Variants in CNTNAP5 observed in about 807,000 individuals in gnomAD.
CNTNAP5 encodes contactin-associated protein-like 5.
CNTNAP5 carries 72 observed loss-of-function variants against 150.2 expected under a neutral mutation model. The observed-to-expected ratio is 0.48, with a 90% CI of 0.40 to 0.58. CNTNAP5 has a LOEUF of 0.58. Among genes scored for constraint, CNTNAP5 ranks in the 20% least tolerant of loss-of-function variants. The pLI is 0.00. For missense variants in CNTNAP5, 1,636 were observed against 1,626.2 expected, an observed-to-expected ratio of 1.01 and a Z score of -0.10; for synonymous variants, 672 against 619.8, an observed-to-expected ratio of 1.08 and a Z score of -1.25.
intron 1 of CNTNAP5, among the ~76,000 whole-genome samples, chr2:124,119,656 C>T (rs959997513): frequency 5.9e-5 from 9 of 152,046 alleles, no homozygotes; most frequent in Non-Finnish European, 2.9e-5. Context: ...GCCTGAGATC[C>T]CACCACTTTG....
intron 13 of CNTNAP5, among the ~76,000 whole-genome samples, chr2:124,654,426 G>C (rs1331401595): frequency 2.0e-5 from 3 of 152,130 alleles, no homozygotes; most frequent in Non-Finnish European, 2.9e-5. Context: ...CTGGAAAAAG[G>C]TATGAGCTCC....
intron 3 of CNTNAP5, among the ~76,000 whole-genome samples, chr2:124,362,336 G>T (rs151230888): frequency 6.6e-6 from 1 of 152,064 alleles, no homozygotes; most frequent in Admixed American, 6.5e-5. Context: ...GCTCCTCCCA[G>T]AATCTCAACA....
At chr2:124,666,836 G>A (rs1373512323) in intron 13 of CNTNAP5, among the ~76,000 whole-genome samples, 3 of 152,236 alleles carry the variant, frequency 2.0e-5, no homozygotes, top group Middle Eastern at 3.4e-3. Context: ...AGCAGCTTGC[G>A]TTTCTTTCCC....
chr2:124,732,669 G>A (rs529836558), intron 13 of CNTNAP5, among the ~76,000 whole-genome samples: 21 of 152,036 alleles, frequency 1.4e-4, no homozygotes, highest in South Asian at 6.2e-4. Context: ...TGTTATAGCC[G>A]GCCAAATAGA....
intron 21 of CNTNAP5, among the ~76,000 whole-genome samples, chr2:124,897,085 G>A (rs1678321741): frequency 6.6e-6 from 1 of 151,456 alleles, no homozygotes; most frequent in Non-Finnish European, 1.5e-5. Flanking sequence ...TTCTCAAAAT[G>A]TGTTCCACGA....
At chr2:124,531,016 T>A (rs1695093152) in intron 10 of CNTNAP5, among the ~76,000 whole-genome samples, 3 of 152,260 alleles carry the variant, frequency 2.0e-5, no homozygotes, top group Admixed American at 2.0e-4. Flanking sequence ...ACTTGATTTC[T>A]ATTATTATTA....
chr2:124,132,214 C>A (rs182363505), intron 1 of CNTNAP5, among the ~76,000 whole-genome samples: 1 of 152,270 alleles, frequency 6.6e-6, no homozygotes, highest in Admixed American at 6.5e-5. Context: ...CAGAACCTAT[C>A]GCTTCTCCTT....
At chr2:124,901,115 C>T (rs1573698972) in intron 21 of CNTNAP5, among the ~76,000 whole-genome samples, 1 of 151,624 alleles carries the variant, frequency 6.6e-6, no homozygotes, top group Non-Finnish European at 1.5e-5. Flanking sequence ...ATCTCAGAGT[C>T]CTTTTATATT....
At chr2:124,832,390 A>G (rs886351296) in intron 19 of CNTNAP5, among the ~76,000 whole-genome samples, 3 of 152,152 alleles carry the variant, frequency 2.0e-5, no homozygotes, top group African/African-American at 7.2e-5. Context: ...ATACACACAT[A>G]GAAATAAAAA....
At chr2:124,326,492 T>C (rs1398133322) in intron 3 of CNTNAP5, among the ~76,000 whole-genome samples, 3 of 152,102 alleles carry the variant, frequency 2.0e-5, no homozygotes, top group Non-Finnish European at 2.9e-5. Context: ...CAAAATAATA[T>C]TTTATTAGAA....
At chr2:124,359,225 A>C (rs1249389873) in intron 3 of CNTNAP5, among the ~76,000 whole-genome samples, 1 of 151,470 alleles carries the variant, frequency 6.6e-6, no homozygotes, top group African/African-American at 2.4e-5. Context: ...CTAGCGGTCT[A>C]TCAATTTTGT....
chr2:124,687,657 G>A (rs536623256), intron 13 of CNTNAP5, among the ~76,000 whole-genome samples: 1 of 152,012 alleles, frequency 6.6e-6, no homozygotes, highest in African/African-American at 2.4e-5. Flanking sequence ...GGAGAAACTT[G>A]TACGTGGCAA....
intron 19 of CNTNAP5, among the ~76,000 whole-genome samples, chr2:124,821,354 G>A (rs1331920715): frequency 2.6e-5 from 4 of 152,090 alleles, no homozygotes; most frequent in African/African-American, 9.7e-5. Flanking sequence ...TTTACACTAA[G>A]GTAGCACTGC....
chr2:124,326,344 C>T (rs1689216033), intron 3 of CNTNAP5, among the ~76,000 whole-genome samples: 1 of 152,158 alleles, frequency 6.6e-6, no homozygotes, highest in Non-Finnish European at 1.5e-5. Context: ...CAGCCAAGAT[C>T]TTCTGGTGTG....
intron 5 of CNTNAP5, among the ~76,000 whole-genome samples, chr2:124,435,635 G>T (rs138937824): frequency 6.8e-4 from 104 of 152,258 alleles, no homozygotes; most frequent in African/African-American, 2.5e-3. Context: ...AAATAGTAAA[G>T]AAGGAAAGAA....
At chr2:124,341,109 T>G (rs1689604631) in intron 3 of CNTNAP5, among the ~76,000 whole-genome samples, 1 of 151,714 alleles carries the variant, frequency 6.6e-6, no homozygotes, top group South Asian at 2.2e-4. Context: ...ATAAAAAGTC[T>G]GTCTGGTGTG....
At chr2:124,912,625 G>A (rs577957394) in intron 23 of CNTNAP5, among the ~76,000 whole-genome samples, 2 of 152,176 alleles carry the variant, frequency 1.3e-5, no homozygotes, top group East Asian at 3.9e-4. Context: ...ATTTTTGTTT[G>A]GCATAGAGAA....
intron 3 of CNTNAP5, among the ~76,000 whole-genome samples, chr2:124,404,421 C>T (rs1360976147): frequency 2.0e-5 from 3 of 152,190 alleles, no homozygotes; most frequent in Non-Finnish European, 4.4e-5. Flanking sequence ...GCAGCCAGCT[C>T]AGACCTGTCC....
intron 8 of CNTNAP5, among the ~76,000 whole-genome samples, chr2:124,511,868 A>T (rs1291419881): frequency 2.0e-5 from 3 of 151,606 alleles, no homozygotes; most frequent in Non-Finnish European, 2.9e-5. Context: ...TAAAAAGGTT[A>T]TGCTATGACT....
Sources: gnomAD v4.1 joint callset for allele counts (sites outside exome capture counted in the v4.1 genomes callset) on GRCh38, gnomAD v4.1.1 for gene constraint, MANE v1.5 for transcripts, NCBI Gene and HGNC (gene_info 2026-07-23, HGNC 2026-07-21) for gene names.